CDH12: variants seen among roughly 807,000 people sequenced by gnomAD.
The protein encoded by CDH12 is cadherin 12.
In CDH12, 41 loss-of-function variants were observed where a neutral mutation model predicts 74.1. The ratio of observed to expected loss-of-function variants is 0.55; its 90% CI spans 0.43 to 0.72. The LOEUF (loss-of-function observed/expected upper bound fraction) is 0.72, where lower values mean the gene tolerates loss of function less well. Ranked by LOEUF, CDH12 falls within the 30% of genes least tolerant of loss-of-function variation. CDH12 has a pLI of 0.00. For missense variants in CDH12, 945 were observed against 977.2 expected (o/e 0.97, Z 0.44); for synonymous variants, 399 against 355.0 (o/e 1.12, Z -1.39).
At chr5:21,790,870 A>C (rs1031452309) in intron 10 of CDH12, among the ~76,000 whole-genome samples, 3 of 151,976 alleles carry the variant, frequency 2.0e-5, no homozygotes, top group African/African-American at 7.2e-5. Context: ...TGAACTATGA[A>C]GCTCCCACAC....
At chr5:22,848,800 C>A (rs1737419446) in intron 1 of CDH12, among the ~76,000 whole-genome samples, 1 of 152,156 alleles carries the variant, frequency 6.6e-6, no homozygotes, top group Non-Finnish European at 1.5e-5. Context: ...ACTGAGAATA[C>A]TGATTCAGTC....
intron 3 of CDH12, among the ~76,000 whole-genome samples, chr5:22,239,832 A>G (rs1402257718): frequency 6.6e-6 from 1 of 152,180 alleles, no homozygotes. Flanking sequence ...GAAAAGAATA[A>G]CACTTTTTTC....
At chr5:22,204,003 G>C (rs1460645769) in intron 4 of CDH12, among the ~76,000 whole-genome samples, 1 of 152,072 alleles carries the variant, frequency 6.6e-6, no homozygotes, top group Non-Finnish European at 1.5e-5. Flanking sequence ...TCATAGCAAA[G>C]GAAACAATCC....
intron 1 of CDH12, among the ~76,000 whole-genome samples, chr5:22,818,012 G>A (rs1749477027): frequency 3.3e-5 from 5 of 152,150 alleles, no homozygotes; most frequent in Admixed American, 2.6e-4. Flanking sequence ...TGTGTAGTGT[G>A]TGGGTCGTAC....
chr5:22,633,451 T>G (rs189057969), intron 1 of CDH12, among the ~76,000 whole-genome samples: 66 of 152,326 alleles, frequency 4.3e-4, no homozygotes, highest in African/African-American at 1.5e-3. Flanking sequence ...TCAACTTTAC[T>G]GGGTCACAGG....
At chr5:22,070,480 T>A (rs1741866880) in intron 5 of CDH12, among the ~76,000 whole-genome samples, 1 of 152,104 alleles carries the variant, frequency 6.6e-6, no homozygotes. Context: ...TAAAATAGAT[T>A]AGCCTCTATT....
intron 6 of CDH12, among the ~76,000 whole-genome samples, chr5:21,901,998 T>C (rs1753411498): frequency 6.6e-6 from 1 of 152,182 alleles, no homozygotes; most frequent in Non-Finnish European, 1.5e-5. Context: ...ATAATCGTCA[T>C]GTACTGCTCA....
At chr5:22,092,993 G>A (rs1743525138) in intron 4 of CDH12, among the ~76,000 whole-genome samples, 1 of 152,162 alleles carries the variant, frequency 6.6e-6, no homozygotes, top group African/African-American at 2.4e-5. Flanking sequence ...GGTGGTGTTT[G>A]CACAGCCTCA....
chr5:22,590,125 A>G (rs752661268), intron 1 of CDH12, among the ~76,000 whole-genome samples: 1 of 152,116 alleles, frequency 6.6e-6, no homozygotes, highest in Non-Finnish European at 1.5e-5. Context: ...AAAATATGAG[A>G]CCCCTTTTGG....
At chr5:22,715,953 A>C (rs1743553627) in intron 1 of CDH12, among the ~76,000 whole-genome samples, 2 of 152,088 alleles carry the variant, frequency 1.3e-5, no homozygotes. Flanking sequence ...CCTGGCCCAC[A>C]TGGTGAAACT....
intron 2 of CDH12, among the ~76,000 whole-genome samples, chr5:22,457,421 C>CATTTTT (rs1301042233): frequency 6.7e-6 from 1 of 149,008 alleles, no homozygotes; most frequent in African/African-American, 2.5e-5. Flanking sequence ...TCCTCTTCTT[C>CATTTTT]TTCATTTTTT....
chr5:22,153,988 A>G (rs1747827402), intron 4 of CDH12, among the ~76,000 whole-genome samples: 1 of 148,458 alleles, frequency 6.7e-6, no homozygotes, highest in Admixed American at 6.8e-5. Flanking sequence ...GCACAGATAT[A>G]TATGTATATA....
intron 5 of CDH12, among the ~76,000 whole-genome samples, chr5:22,023,579 C>T (rs117444863): frequency 1.3e-5 from 2 of 148,330 alleles, no homozygotes; most frequent in Non-Finnish European, 3.0e-5. Flanking sequence ...TTCTCTCTCT[C>T]TATATATATA....
chr5:22,379,168 T>A (rs1190630995), intron 3 of CDH12, among the ~76,000 whole-genome samples: 2 of 152,132 alleles, frequency 1.3e-5, no homozygotes, highest in African/African-American at 4.8e-5. Context: ...ATAAACTACT[T>A]TTCTGCATTT....
intron 5 of CDH12, among the ~76,000 whole-genome samples, chr5:22,052,823 G>T (rs1193452859): frequency 6.6e-6 from 1 of 151,870 alleles, no homozygotes; most frequent in African/African-American, 2.4e-5. Context: ...TATCATGAAA[G>T]TAGGCCAAAA....
intron 2 of CDH12, among the ~76,000 whole-genome samples, chr5:22,425,339 G>C (rs1478169366): frequency 6.6e-6 from 1 of 150,828 alleles, no homozygotes; most frequent in Non-Finnish European, 1.5e-5. Context: ...ACTTTATCTG[G>C]TTTTCTTTTG....
intron 3 of CDH12, among the ~76,000 whole-genome samples, chr5:22,330,409 C>T (rs1739298150): frequency 6.6e-6 from 1 of 151,964 alleles, no homozygotes; most frequent in African/African-American, 2.4e-5. Flanking sequence ...TCAGAGGTGA[C>T]CCAGAACATT....
At chr5:22,417,935 A>G (rs1055202054) in intron 2 of CDH12, among the ~76,000 whole-genome samples, 1 of 152,188 alleles carries the variant, frequency 6.6e-6, no homozygotes, top group Non-Finnish European at 1.5e-5. Flanking sequence ...TACATGGGTT[A>G]CCTGGAAATG....
At chr5:22,383,558 A>G (rs932689819) in intron 3 of CDH12, among the ~76,000 whole-genome samples, 2 of 152,200 alleles carry the variant, frequency 1.3e-5, no homozygotes, top group Admixed American at 1.3e-4. Context: ...ACACACTTGG[A>G]GAAAAGGAAA....
Sources: gnomAD v4.1 joint callset for allele counts (sites outside exome capture counted in the v4.1 genomes callset) on GRCh38, gnomAD v4.1.1 for gene constraint, MANE v1.5 for transcripts, NCBI Gene and HGNC (gene_info 2026-07-23, HGNC 2026-07-21) for gene names.